Variants in FARS2 observed in about 807,000 individuals in gnomAD.
FARS2 encodes the protein phenylalanyl-tRNA synthetase 2, mitochondrial.
FARS2 carries 40 observed loss-of-function variants against 46.4 expected under a neutral mutation model. The observed-to-expected ratio is 0.86, with a 90% confidence interval of 0.67 to 1.12. The LOEUF (loss-of-function observed/expected upper bound fraction) is 1.12, where lower values mean the gene tolerates loss of function less well. Among genes scored for constraint, FARS2 ranks in the 50% most tolerant of loss-of-function variants. The pLI, the probability that FARS2 is intolerant of heterozygous loss-of-function variation, is 0.00. For missense variants in FARS2, 513 were observed against 567.9 expected, an observed-to-expected ratio of 0.90 and a Z score of 0.98; for synonymous variants, 234 against 214.9, an observed-to-expected ratio of 1.09 and a Z score of -0.78.
chr6:5,580,746 T>C (rs914134734), intron 5 of FARS2, among the ~76,000 whole-genome samples: 1 of 152,200 alleles, frequency 6.6e-6, no homozygotes, highest in Non-Finnish European at 1.5e-5. Context: ...GAGATGAAAG[T>C]TGGGAAACCA....
intron 4 of FARS2, among the ~76,000 whole-genome samples, chr6:5,506,726 C>T (rs541301177): frequency 1.3e-5 from 2 of 152,188 alleles, no homozygotes; most frequent in African/African-American, 4.8e-5. Context: ...ATAGACATGG[C>T]AACTGGTGAG....
intron 6 of FARS2, among the ~76,000 whole-genome samples, chr6:5,637,554 T>A (rs1186328175): frequency 3.9e-5 from 6 of 152,230 alleles, no homozygotes; most frequent in Non-Finnish European, 8.8e-5. Flanking sequence ...ATTTCTATGT[T>A]GCTTCCAGCG....
At chr6:5,635,537 CT>C (rs557913525) in intron 6 of FARS2, among the ~76,000 whole-genome samples, 230 of 152,158 alleles carry the variant, frequency 1.5e-3, no homozygotes, top group African/African-American at 5.3e-3. Context: ...TTGCAATATA[CT>C]TTTGTTTCTT....
rs1210602675 is a variant in FARS2 at position 5,466,704 on chromosome 6, C to G, written c.904+35532C>G. 4 of 984,190 alleles carry G rather than the reference C, an allele frequency of 4.1e-6. No homozygotes were observed. In the East Asian group the frequency reaches 4.5e-4, roughly 112 times the overall value. 61.0% of individuals were successfully genotyped at this position (984,190 alleles called of 1,614,324 possible). On this transcript the variant is annotated intron_variant, in intron 4 of 6. Coordinates refer to ENST00000274680, the MANE Select transcript of FARS2 (RefSeq NM_006567.5). ...AAACCTGGGGAGCTGGATAAAAATG[C>G]CTGTTTCCTTCCAGAGAGTCGAATG... is the stretch of plus-strand genomic sequence containing the variant.
intron 4 of FARS2, among the ~76,000 whole-genome samples, chr6:5,434,594 G>T (rs1763412701): frequency 6.6e-6 from 1 of 152,176 alleles, no homozygotes; most frequent in Non-Finnish European, 1.5e-5. Flanking sequence ...TCTGTAAACT[G>T]CCTGGCAGTC....
rs1763048082 is a variant in FARS2 at position 5,771,486 on chromosome 6, G to T, written c.*57G>T. 1.9e-6 allele frequency: 3 copies of T among 1,557,314 alleles called. No homozygotes were observed. On this transcript the variant is annotated 3_prime_UTR_variant, in exon 7 of 7. Coordinates refer to ENST00000274680, the MANE Select transcript of FARS2 (RefSeq NM_006567.5). ...TGGGGCTCCAGGATTTGCTGAAAGA[G>T]AAAAAGATATGGTTTGTGAACTGGG...
At chr6:5,318,387 C>CAAAAAAAAAAAAAAAAAAAAAA (rs753113504) in intron 1 of FARS2, among the ~76,000 whole-genome samples, 2 of 77,192 alleles carry the variant, frequency 2.6e-5, no homozygotes, top group African/African-American at 4.7e-5. Context: ...AAAAAAAAAC[C>CAAAAAAAAAAAAAAAAAAAAAA]AAAAAAAAAA....
intron 5 of FARS2, among the ~76,000 whole-genome samples, chr6:5,611,682 A>T (rs1775193342): frequency 6.6e-6 from 1 of 152,136 alleles, no homozygotes. Flanking sequence ...AACTGCATGG[A>T]TTTTAAACTG....
intron 6 of FARS2, among the ~76,000 whole-genome samples, chr6:5,664,573 A>G (rs1046633108): frequency 3.9e-5 from 6 of 152,252 alleles, no homozygotes; most frequent in Non-Finnish European, 7.3e-5. Context: ...CATTAAAAGC[A>G]TCATCTCAAA....
At chr6:5,377,464 A>G (rs1012182757) in intron 2 of FARS2, among the ~76,000 whole-genome samples, 4 of 152,206 alleles carry the variant, frequency 2.6e-5, no homozygotes, top group South Asian at 2.1e-4. Flanking sequence ...TGTGCAGGCA[A>G]TACTTCCTCC....
At chr6:5,260,598 T>TGCCCCGGCCCCCGGCCCCCCCCC, upstream of FARS2, 1 of 1,105,566 alleles carries the variant, frequency 9.0e-7, no homozygotes, top group Non-Finnish European at 1.3e-6. Flanking sequence ...GCACCCCCGG[T>TGCCCCGGCCCCCGGCCCCCCCCC]CCCCGGCCCC....
intron 3 of FARS2, among the ~76,000 whole-genome samples, chr6:5,430,171 G>A (rs553238372): frequency 4.6e-5 from 7 of 152,058 alleles, no homozygotes; most frequent in South Asian, 2.1e-4. Flanking sequence ...AGAAGAGGTC[G>A]GCACAGGAAG....
At chr6:5,366,195 C>T (rs1581896277) in intron 1 of FARS2, among the ~76,000 whole-genome samples, 1 of 152,220 alleles carries the variant, frequency 6.6e-6, no homozygotes, top group South Asian at 2.1e-4. Flanking sequence ...ATGCTAGTTA[C>T]GTGATCTTTT....
intron 6 of FARS2, among the ~76,000 whole-genome samples, chr6:5,653,777 C>G (rs977345718): frequency 1.3e-5 from 2 of 152,242 alleles, no homozygotes; most frequent in South Asian, 4.1e-4. Context: ...TCCTCTGGAC[C>G]CTGGGGATGC....
chr6:5,516,322 C>G (rs915793002), intron 4 of FARS2, among the ~76,000 whole-genome samples: 2 of 152,216 alleles, frequency 1.3e-5, no homozygotes, highest in African/African-American at 4.8e-5. Flanking sequence ...ATTCGTGTAA[C>G]AGTATGTTCT....
intron 4 of FARS2, among the ~76,000 whole-genome samples, chr6:5,442,057 C>T (rs1407867324): frequency 6.7e-6 from 1 of 148,560 alleles, no homozygotes; most frequent in Non-Finnish European, 1.5e-5. Flanking sequence ...AGAGTAGCCG[C>T]CACTCCACTC....
At chr6:5,678,050 C>A (rs918083229) in intron 6 of FARS2, among the ~76,000 whole-genome samples, 3 of 152,038 alleles carry the variant, frequency 2.0e-5, no homozygotes, top group African/African-American at 7.3e-5. Flanking sequence ...TCAAAGCCTC[C>A]GAGGCTTTGA....
chr6:5,276,565 C>T (rs1766347979), intron 1 of FARS2, among the ~76,000 whole-genome samples: 1 of 152,150 alleles, frequency 6.6e-6, no homozygotes, highest in Non-Finnish European at 1.5e-5. Context: ...ATTGCAGGAA[C>T]TAAGAATTGG....
the FARS2 span, among the ~76,000 whole-genome samples, chr6:5,255,610 C>A: frequency 6.6e-6 from 1 of 152,122 alleles, no homozygotes; most frequent in Non-Finnish European, 1.5e-5. Flanking sequence ...TGAAGAACCA[C>A]ATTCTTAAAC....
Sources: allele counts gnomAD v4.1 joint callset (sites outside exome capture counted in the v4.1 genomes callset), GRCh38; gene constraint gnomAD v4.1.1; transcripts MANE v1.5; gene names NCBI Gene and HGNC (gene_info 2026-07-23, HGNC 2026-07-21).